Variants in NRG3 observed in about 807,000 individuals in gnomAD.
NRG3 encodes the protein pro-neuregulin-3, membrane-bound isoform.
NRG3 carries 31 observed loss-of-function variants against 66.9 expected under a neutral mutation model. The ratio of observed to expected loss-of-function variants is 0.46; its 90% CI spans 0.35 to 0.63. NRG3 has a LOEUF of 0.63. Ranked by LOEUF, NRG3 falls within the 20% of genes least tolerant of loss-of-function variation. The pLI is 0.00. For synonymous variants in NRG3, 393 were observed against 359.4 expected (o/e 1.09, Z -1.06); for missense variants, 910 against 878.9 (o/e 1.04, Z -0.45).
rs531375597 is a variant in NRG3 at position 82,904,718 on chromosome 10, A to G, written c.1054+39281A>G. Among the ~76,000 whole-genome samples the G allele has an allele frequency of 3.9e-5, 6 of 152,296 alleles. No homozygotes were observed. In the South Asian group the frequency reaches 6.2e-4, roughly 16 times the overall value. Reference sequence around the variant, plus strand: ...CTAGACCTCTGTGTTAGAGAATCATATACATGAACAAAAATATTAGGAAAT... The same window carrying G: ...CTAGACCTCTGTGTTAGAGAATCATGTACATGAACAAAAATATTAGGAAAT... On this transcript the variant is annotated intron_variant, in intron 4 of 8. Coordinates refer to ENST00000372141, the MANE Select transcript of NRG3 (RefSeq NM_001010848.4).
At chr10:82,979,260 A>G in intron 8 of NRG3, 140 bp downstream of exon 8, 1 of 879,140 alleles carries the variant, frequency 1.1e-6, no homozygotes, top group Non-Finnish European at 1.7e-6. Flanking sequence ...TCTTTGTTCT[A>G]CAAAAGGTGA....
chr10:82,486,119 A>G (rs1209976066), intron 2 of NRG3, among the ~76,000 whole-genome samples: 2 of 152,306 alleles, frequency 1.3e-5, no homozygotes, highest in South Asian at 2.1e-4. Context: ...ACTTCTGAGC[A>G]TGGCCATTAT....
intron 2 of NRG3, among the ~76,000 whole-genome samples, chr10:82,462,775 A>G (rs1019087216): frequency 1.3e-5 from 2 of 152,222 alleles, no homozygotes; most frequent in African/African-American, 4.8e-5. Context: ...GGAGAAAGAT[A>G]GTAAATCTGA....
intron 1 of NRG3, among the ~76,000 whole-genome samples, chr10:82,053,136 T>G (rs146531288): frequency 1.3e-5 from 2 of 151,476 alleles, no homozygotes; most frequent in Admixed American, 1.3e-4. Flanking sequence ...TTTGATTATT[T>G]TTTTTTTTAA....
At chr10:82,827,306 A>G (rs2062278499) in intron 3 of NRG3, 1 of 309,296 alleles carries the variant, frequency 3.2e-6, no homozygotes, top group African/African-American at 2.3e-5. Context: ...GCAACAGCAC[A>G]CAGATGACTG....
In NRG3 at chr10:82,334,276, A is replaced by AT. The variant is rs150012171; in HGVS notation, c.824-24461dup. ...ATGGACATTCTCAATGGACATTTAC[A>AT]TTCATTCATTACGTTTTCCTCGAAG... On this transcript the variant is annotated intron_variant, in intron 1 of 8. Coordinates refer to ENST00000372141, the MANE Select transcript of NRG3 (RefSeq NM_001010848.4). 1.4e-4 allele frequency among the ~76,000 whole-genome samples: 21 copies of AT among 152,298 alleles called. No homozygotes were observed. In the East Asian group the frequency reaches 4.1e-3, roughly 29 times the overall value.
chr10:82,115,050 A>G (rs2067621297), intron 1 of NRG3, among the ~76,000 whole-genome samples: 1 of 152,140 alleles, frequency 6.6e-6, no homozygotes, highest in South Asian at 2.1e-4. Flanking sequence ...CCTGCTTTTA[A>G]TAGCAAAAAT....
At chr10:82,212,052 C>T (rs543079685) in intron 1 of NRG3, among the ~76,000 whole-genome samples, 19 of 152,274 alleles carry the variant, frequency 1.2e-4, no homozygotes, top group East Asian at 1.9e-4. Flanking sequence ...CCTACATTTA[C>T]GAGTTCTTTG....
intron 1 of NRG3, among the ~76,000 whole-genome samples, chr10:81,894,509 T>C (rs538106223): frequency 2.0e-5 from 3 of 152,242 alleles, no homozygotes; most frequent in Admixed American, 2.0e-4. Flanking sequence ...AGAGCTTAAT[T>C]TTAAATTAAT....
chr10:82,768,138 T>C (rs1431356267), intron 3 of NRG3, among the ~76,000 whole-genome samples: 3 of 152,024 alleles, frequency 2.0e-5, no homozygotes, highest in Non-Finnish European at 4.4e-5. Context: ...AAGTCAAGAG[T>C]AGGAGAAATG....
chr10:82,391,605 T>C (rs1368406926), intron 2 of NRG3, among the ~76,000 whole-genome samples: 1 of 152,142 alleles, frequency 6.6e-6, no homozygotes, highest in Admixed American at 6.6e-5. Flanking sequence ...GTCTTTCCCC[T>C]TCCCATGTGT....
At position 82,805,140 on chromosome 10, in the gene NRG3, G is replaced by C. The variant is rs189961175; in HGVS notation, c.1028-60271G>C. On this transcript the variant is annotated intron_variant, in intron 3 of 8. Transcript: ENST00000372141. ...CACAAGGTTGGGGAAGAGGCTGGAG[G>C]TTCTGAATTTCTAAGGTCTCAGTTG... 4.1e-3 allele frequency among the ~76,000 whole-genome samples: 626 copies of C among 152,290 alleles called. 12 individuals are homozygous for C. The highest frequency in any genetic ancestry group is 5.0e-3 in the South Asian group (24 of 4,832).
intron 3 of NRG3, among the ~76,000 whole-genome samples, chr10:82,817,494 C>A (rs547121738): frequency 1.3e-5 from 2 of 152,070 alleles, no homozygotes; most frequent in African/African-American, 4.8e-5. Flanking sequence ...GGTTCTTTTT[C>A]TTTTTTTGCA....
chr10:82,197,879 T>C (rs2074529413), intron 1 of NRG3, among the ~76,000 whole-genome samples: 1 of 152,124 alleles, frequency 6.6e-6, no homozygotes, highest in African/African-American at 2.4e-5. Flanking sequence ...GTAAACCAAA[T>C]AGAAGCAATA....
intron 1 of NRG3, among the ~76,000 whole-genome samples, chr10:81,968,716 A>G (rs1402161729): frequency 6.6e-6 from 1 of 152,222 alleles, no homozygotes; most frequent in African/African-American, 2.4e-5. Context: ...ACCTCAGGCC[A>G]CAGACGTCAT....
chr10:82,066,930 A>G (rs2064508107), intron 1 of NRG3, among the ~76,000 whole-genome samples: 1 of 152,082 alleles, frequency 6.6e-6, no homozygotes, highest in Admixed American at 6.5e-5. Context: ...CAATTTTCAT[A>G]TTAGTGTGAA....
At chr10:82,147,054 G>T (rs144033466) in intron 1 of NRG3, among the ~76,000 whole-genome samples, 6 of 152,306 alleles carry the variant, frequency 3.9e-5, no homozygotes, top group African/African-American at 1.4e-4. Context: ...TCCAGACTTT[G>T]TCAGAGTTCT....
At chr10:82,961,595 A>G (rs1850644131) in intron 6 of NRG3, among the ~76,000 whole-genome samples, 1 of 152,204 alleles carries the variant, frequency 6.6e-6, no homozygotes, top group African/African-American at 2.4e-5. Context: ...GCAAAGTCTG[A>G]AGACACTTTG....
chr10:82,278,740 T>C (rs2078980415), intron 1 of NRG3, among the ~76,000 whole-genome samples: 5 of 152,182 alleles, frequency 3.3e-5, no homozygotes, highest in Admixed American at 1.3e-4. Flanking sequence ...TATCCTTGAC[T>C]GTTTTCATGG....
Sources: allele counts gnomAD v4.1 joint callset (sites outside exome capture counted in the v4.1 genomes callset), GRCh38; gene constraint gnomAD v4.1.1; transcripts MANE v1.5; gene names NCBI Gene and HGNC (gene_info 2026-07-23, HGNC 2026-07-21).